KIRREL3: variants seen among roughly 807,000 people sequenced by gnomAD.
KIRREL3 encodes the protein kin of IRRE-like protein 3.
In KIRREL3, 36 loss-of-function variants were observed where a neutral mutation model predicts 89.7. That is an observed-to-expected ratio of 0.40 (90% CI 0.31 to 0.53). KIRREL3 has a LOEUF of 0.53. KIRREL3 is among the 20% of genes least tolerant of loss of function. KIRREL3 has a pLI of 0.49. For missense variants in KIRREL3, 864 were observed against 1,056.6 expected (o/e 0.82, Z 2.53); for synonymous variants, 445 against 441.4 (o/e 1.01, Z -0.10).
At chr11:126,959,223 C>T (rs1412910868) in intron 1 of KIRREL3, among the ~76,000 whole-genome samples, 1 of 152,214 alleles carries the variant, frequency 6.6e-6, no homozygotes, top group Non-Finnish European at 1.5e-5. Context: ...TATTTCTCAG[C>T]CTCCATACTT....
In KIRREL3 at chr11:126,611,598, G is replaced by A. The variant is rs1036706319; in HGVS notation, c.56-48686C>T. Among the ~76,000 whole-genome samples the A allele has an allele frequency of 6.6e-6, 1 of 152,150 alleles. No individual in the cohort carries two copies. Among genetic ancestry groups the A allele is most frequent in the Non-Finnish European group, 1.5e-5 (1 of 68,036 alleles). ...GGTGTCGTGAGGGCAATGGCCTGCA[G>A]AGTCCAAAGGTGGCTGTCATGTCAT... On this transcript the variant is annotated intron_variant, in intron 1 of 16. Coordinates refer to ENST00000525144, the MANE Select transcript of KIRREL3 (RefSeq NM_032531.4). This position sits in a 1 kb window ranked among gnomAD's most constrained non-coding sequence, Gnocchi z 4.7.
Position 126,640,132 on chromosome 11 carries a change from T to TA in KIRREL3, c.56-77221dup, listed in dbSNP as rs535986688. Among the ~76,000 whole-genome samples, 198 of 152,228 alleles carry TA rather than the reference T, an allele frequency of 1.3e-3. No individual in the cohort carries two copies. Among genetic ancestry groups the TA allele is most frequent in the Non-Finnish European group, 1.8e-3 (122 of 68,012 alleles). On this transcript the variant is annotated intron_variant, in intron 1 of 16. Coordinates refer to ENST00000525144, the MANE Select transcript of KIRREL3 (RefSeq NM_032531.4). The surrounding 1 kb of genome is among the most constrained non-coding windows in gnomAD (Gnocchi z 4.9). ...TGTTTTATTTTACCCTGCATTGTAC[T>TA]AAAAAAATAAGGCATAGAAGCTCTA... is the stretch of plus-strand genomic sequence containing the variant.
Position 126,709,812 on chromosome 11 carries a change from A to G in KIRREL3, c.56-146900T>C, listed in dbSNP as rs750522138. ...CAAGATCGTGGTATTTTGTTACAGC[A>G]GCCCAGGGAAACTAATACAGGAGGC... On this transcript the variant is annotated intron_variant, in intron 1 of 16. Transcript: ENST00000525144. This position sits in a 1 kb window ranked among gnomAD's most constrained non-coding sequence, Gnocchi z 4.0. Among the ~76,000 whole-genome samples, 30 of 152,322 alleles carry G rather than the reference A, an allele frequency of 2.0e-4. No homozygotes were observed. Among genetic ancestry groups the G allele is most frequent in the Non-Finnish European group, 4.1e-4 (28 of 68,034 alleles).
intron 4 of KIRREL3, among the ~76,000 whole-genome samples, chr11:126,502,858 C>T (rs956543295): frequency 6.6e-6 from 1 of 152,178 alleles, no homozygotes; most frequent in Admixed American, 6.5e-5. Flanking sequence ...ATTTCACCTG[C>T]CTTCGCCTTA....
intron 1 of KIRREL3, among the ~76,000 whole-genome samples, chr11:126,950,463 C>T (rs1021614589): frequency 2.6e-5 from 4 of 152,250 alleles, no homozygotes; most frequent in East Asian, 1.9e-4. Flanking sequence ...TACGGGCAGG[C>T]GGTAAAGATC....
At position 126,666,650 on chromosome 11, in the gene KIRREL3, A is replaced by AT. The variant is rs559710457; in HGVS notation, c.56-103739dup. 5.8e-4 allele frequency among the ~76,000 whole-genome samples: 89 copies of AT among 152,208 alleles called. 1 individual carries two copies. Among genetic ancestry groups the AT allele is most frequent in the South Asian group, 1.7e-3 (8 of 4,810 alleles). On this transcript the variant is annotated intron_variant, in intron 1 of 16. Coordinates refer to ENST00000525144, the MANE Select transcript of KIRREL3 (RefSeq NM_032531.4). This position sits in a 1 kb window ranked among gnomAD's most constrained non-coding sequence, Gnocchi z 4.2. ...TCGAGTCTGTTTACCAACTTGGCTT[A>AT]TTTTTTTACTGCATGATATGAACAC...
At position 126,876,044 on chromosome 11, in the gene KIRREL3, T is replaced by C. The variant is rs781401004; in HGVS notation, c.55+124411A>G. On this transcript the variant is annotated intron_variant, in intron 1 of 16. Coordinates refer to ENST00000525144, the MANE Select transcript of KIRREL3 (RefSeq NM_032531.4). This position sits in a 1 kb window ranked among gnomAD's most constrained non-coding sequence, Gnocchi z 4.1. The stretch of plus-strand genomic sequence containing the variant: ...GCATGGCACTGCTTGGCTTTGGTGA[T>C]GGGAGGGGCACAGGAGGGGTATTGG... Among the ~76,000 whole-genome samples the C allele has an allele frequency of 9.2e-5, 14 of 152,026 alleles. No homozygotes were observed. Among genetic ancestry groups the C allele is most frequent in the Non-Finnish European group, 1.9e-4 (13 of 68,020 alleles).
chr11:126,690,759 GAATCTTT>G (rs1463058054), intron 1 of KIRREL3, among the ~76,000 whole-genome samples: 1 of 152,194 alleles, frequency 6.6e-6, no homozygotes, highest in Non-Finnish European at 1.5e-5. Flanking sequence ...TGATGTCGAG[GAATCTTT>G]ACCAGTAGCT....
intron 1 of KIRREL3, among the ~76,000 whole-genome samples, chr11:126,866,131 T>C (rs910543209): frequency 6.6e-6 from 1 of 152,212 alleles, no homozygotes; most frequent in Non-Finnish European, 1.5e-5. Context: ...TTCCATTGTG[T>C]ATCTGGACCT....
chr11:126,459,418 A>C lies in KIRREL3; in HGVS notation c.743-2964T>G. 6.6e-6 allele frequency among the ~76,000 whole-genome samples: 1 copy of C among 152,038 alleles called. No individual in the cohort carries two copies. Among genetic ancestry groups the C allele is most frequent in the Non-Finnish European group, 1.5e-5 (1 of 68,008 alleles). On this transcript the variant is annotated intron_variant, in intron 6 of 16. Transcript: ENST00000525144. This position sits in a 1 kb window ranked among gnomAD's most constrained non-coding sequence, Gnocchi z 4.8. ...CGTCTTTGGTGATCACCTGCCCCGA[A>C]GCGATTCACAAGGGTTCCACACTCA...
In KIRREL3 at chr11:126,471,371, AAAATAAAT is replaced by A. The variant is rs34639115; in HGVS notation, c.591+1930_591+1937del. Among the ~76,000 whole-genome samples, 12 of 146,248 alleles carry A rather than the reference AAAATAAAT, an allele frequency of 8.2e-5. No individual in the cohort carries two copies. Among genetic ancestry groups the A allele is most frequent in the African/African-American group, 2.7e-4 (11 of 40,010 alleles). On this transcript the variant is annotated intron_variant, in intron 5 of 16. Transcript: ENST00000525144. The surrounding 1 kb of genome is among the most constrained non-coding windows in gnomAD (Gnocchi z 5.4). The stretch of plus-strand genomic sequence containing the variant: ...GGCAACAAGAGTGAAACTCTGTCTC[AAAATAAAT>A]AAATAAATAAATAAAATAAATAAAA...
In KIRREL3 at chr11:126,563,903, T is replaced by C. The variant is rs183897058; in HGVS notation, c.56-991A>G. ...CAAACAACTCACTGAGGTGGGCATATGGGCCACTGCAACTGACATTATGCA... is the reference window on the plus strand; with the variant it reads ...CAAACAACTCACTGAGGTGGGCATACGGGCCACTGCAACTGACATTATGCA... On this transcript the variant is annotated intron_variant, in intron 1 of 16. Coordinates refer to ENST00000525144, the MANE Select transcript of KIRREL3 (RefSeq NM_032531.4). The surrounding 1 kb of genome is among the most constrained non-coding windows in gnomAD (Gnocchi z 6.8). Among the ~76,000 whole-genome samples the C allele has an allele frequency of 6.2e-4, 94 of 152,296 alleles. 1 individual carries two copies. Among genetic ancestry groups the C allele is most frequent in the African/African-American group, 2.2e-3 (91 of 41,552 alleles).
Position 126,556,975 on chromosome 11 carries a change from C to T in KIRREL3, c.133+5860G>A, listed in dbSNP as rs371249196. Among the ~76,000 whole-genome samples the T allele has an allele frequency of 7.9e-5, 12 of 152,328 alleles. No individual in the cohort carries two copies. In the South Asian group the frequency reaches 2.3e-3, roughly 29 times the overall value. On this transcript the variant is annotated intron_variant, in intron 2 of 16. Coordinates refer to ENST00000525144, the MANE Select transcript of KIRREL3 (RefSeq NM_032531.4). ...GAAAAAATGCACCCCAAAGCCCCAA[C>T]TAACAAAATGACGGTATTAGCCAAC...
rs1941152002 is a variant in KIRREL3, at chr11:126,574,570, A to T, written c.56-11658T>A. On this transcript the variant is annotated intron_variant, in intron 1 of 16. Coordinates refer to ENST00000525144, the MANE Select transcript of KIRREL3 (RefSeq NM_032531.4). This position sits in a 1 kb window ranked among gnomAD's most constrained non-coding sequence, Gnocchi z 5.3. ...TATTAGCATGCCAAGGACTGCACAG[A>T]CCCTGCACGTCAATAGCTGAGCCCC... Among the ~76,000 whole-genome samples, 1 of 152,070 alleles carries T rather than the reference A, an allele frequency of 6.6e-6. No homozygotes were observed. The highest frequency in any genetic ancestry group is 1.5e-5 in the Non-Finnish European group (1 of 68,020).
intron 1 of KIRREL3, among the ~76,000 whole-genome samples, chr11:126,963,776 C>T (rs548285839): frequency 3.2e-4 from 49 of 152,300 alleles, no homozygotes; most frequent in Admixed American, 7.8e-4. Context: ...TCCCTGAGGA[C>T]TACAAACAAT....
Position 126,668,683 on chromosome 11 carries a change from A to G in KIRREL3, c.56-105771T>C, listed in dbSNP as rs571903591. On this transcript the variant is annotated intron_variant, in intron 1 of 16. Coordinates refer to ENST00000525144, the MANE Select transcript of KIRREL3 (RefSeq NM_032531.4). The surrounding 1 kb of genome is among the most constrained non-coding windows in gnomAD (Gnocchi z 4.4). ...CTCAAATCTATAAAGAGCTGTTGGGAAGTTTCTGTTTTTCTTTCTTTCTTT... is the reference window on the plus strand; with the variant it reads ...CTCAAATCTATAAAGAGCTGTTGGGGAGTTTCTGTTTTTCTTTCTTTCTTT... Among the ~76,000 whole-genome samples, 292 of 144,804 alleles carry G rather than the reference A, an allele frequency of 2.0e-3. 2 individuals are homozygous for G. Among genetic ancestry groups the G allele is most frequent in the Non-Finnish European group, 2.9e-3 (188 of 65,428 alleles). 95.0% of individuals were successfully genotyped at this position (144,804 alleles called of 152,430 possible).
intron 1 of KIRREL3, among the ~76,000 whole-genome samples, chr11:126,767,862 G>T (rs1011096483): frequency 6.6e-6 from 1 of 152,186 alleles, no homozygotes; most frequent in African/African-American, 2.4e-5. Flanking sequence ...TGATTGGTGA[G>T]ATAAGGTTCA....
chr11:126,922,169 A>ATCTC (rs1300445990), intron 1 of KIRREL3, among the ~76,000 whole-genome samples: 6 of 141,042 alleles, frequency 4.3e-5, no homozygotes, highest in African/African-American at 1.3e-4. Flanking sequence ...CTATCTATCT[A>ATCTC]TCTATCTCTA....
rs1180581298 is a variant in KIRREL3, at chr11:126,427,300, T to C, written c.1807-1576A>G. ...AGGCCCCAGGGGAAATAGATGAGCG[T>C]AGACTCAGAAACATGACCTTTGCCC... On this transcript the variant is annotated intron_variant, in intron 15 of 16. Transcript: ENST00000525144. This position sits in a 1 kb window ranked among gnomAD's most constrained non-coding sequence, Gnocchi z 5.3. Among the ~76,000 whole-genome samples, 2 of 152,148 alleles carry C rather than the reference T, an allele frequency of 1.3e-5. No homozygotes were observed. The highest frequency in any genetic ancestry group is 1.9e-4 in the East Asian group (1 of 5,186).
Sources: gnomAD v4.1 joint callset for allele counts (sites outside exome capture counted in the v4.1 genomes callset) on GRCh38, gnomAD v4.1.1 for gene constraint, Gnocchi (gnomAD v3.1) non-coding constraint, MANE v1.5 for transcripts, NCBI Gene and HGNC (gene_info 2026-07-23, HGNC 2026-07-21) for gene names.